PRSS37: variants seen among roughly 807,000 people sequenced by gnomAD.
PRSS37 encodes serine protease 37, also known as probable inactive serine protease 37.
A neutral mutation model predicts 28.0 loss-of-function variants in PRSS37; 25 were observed. That is an observed-to-expected ratio of 0.89 (90% CI 0.65 to 1.25). The LOEUF is 1.25. Among genes scored for constraint, PRSS37 ranks in the 50% most tolerant of loss-of-function variants. The pLI is 0.00. For synonymous variants in PRSS37, 109 were observed against 107.8 expected, an observed-to-expected ratio of 1.01 and a Z score of -0.07; for missense variants, 282 against 292.2, an observed-to-expected ratio of 0.97 and a Z score of 0.25.
At chr7:141,839,638 A>T (rs1010879274) in intron 1 of PRSS37, among the ~76,000 whole-genome samples, 159 bp from the exon 2 acceptor site, 2 of 152,202 alleles carry the variant, frequency 1.3e-5, no homozygotes, top group African/African-American at 4.8e-5. Flanking sequence ...GTAAATTAAA[A>T]CGATATGCCA....
At chr7:141,838,437 T>G in intron 2 of PRSS37, 3 of 1,199,138 alleles carry the variant, frequency 2.5e-6, no homozygotes, top group Non-Finnish European at 3.1e-6. Flanking sequence ...AACTGAACAA[T>G]GTCCATTTTG....
intron 2 of PRSS37, chr7:141,839,106 T>G (rs1458864190): frequency 1.6e-6 from 1 of 637,432 alleles, no homozygotes; most frequent in Non-Finnish European, 2.8e-6. Context: ...TGTTCTGGGC[T>G]GGACAAATCT....
In PRSS37 at chr7:141,838,121, G is replaced by A. The variant is rs1048350221; in HGVS notation, c.177-8C>T. The A allele has an allele frequency of 5.6e-6, 9 of 1,611,388 alleles. No individual in the cohort carries two copies. The African/African-American group carries it at 1.1e-4, about 19-fold the overall frequency. On this transcript the variant is annotated splice_polypyrimidine_tract_variant and splice_region_variant and intron_variant, in intron 2 of 4. Coordinates refer to ENST00000350549, the MANE Select transcript of PRSS37 (RefSeq NM_001008270.3). ...AGCATCACTTTCAGATTTCTGGAGG[G>A]AGAGGGGTTGGAAGTAATCATCATC...
At position 141,836,349 on chromosome 7, in the gene PRSS37, A is replaced by G. The variant is rs372424084; in HGVS notation, c.*46T>C. On this transcript the variant is annotated 3_prime_UTR_variant, in exon 5 of 5. Transcript: ENST00000350549. ...AATAGAGGGAAAATTATCTGCTTGT[A>G]TAGTCCATGGCAGAGCCAGTGGAAT... 6 of 1,590,102 alleles carry G rather than the reference A, an allele frequency of 3.8e-6. No homozygotes were observed. The African/African-American group carries it at 6.7e-5, about 18-fold the overall frequency.
At chr7:141,839,655 CTTATAT>C (rs1801093839) in intron 1 of PRSS37, among the ~76,000 whole-genome samples, 176 bp from the exon 2 acceptor site, 1 of 151,944 alleles carries the variant, frequency 6.6e-6, no homozygotes. Context: ...GCCATTTTAT[CTTATAT>C]TTATAATAAT....
rs746635372 is a variant in PRSS37, at chr7:141,836,360, C to T, written c.*35G>A. On this transcript the variant is annotated 3_prime_UTR_variant, in exon 5 of 5. Coordinates refer to ENST00000350549, the MANE Select transcript of PRSS37 (RefSeq NM_001008270.3). ...AATTATCTGCTTGTATAGTCCATGG[C>T]AGAGCCAGTGGAATGCAGAGGGAGA... The T allele has an allele frequency of 1.2e-5, 19 of 1,607,496 alleles. No homozygotes were observed. The highest frequency in any genetic ancestry group is 1.7e-4 in the Middle Eastern group (1 of 6,056).
intron 2 of PRSS37, chr7:141,838,460 G>T (rs1157364838): frequency 9.4e-6 from 11 of 1,166,266 alleles, no homozygotes; most frequent in Non-Finnish European, 1.2e-5. Context: ...GGAGACCAGA[G>T]AATAAATAAC....
intron 4 of PRSS37, 61 bp from the exon 5 acceptor site, chr7:141,836,596 A>G (rs1477757280): frequency 1.3e-6 from 2 of 1,589,938 alleles, no homozygotes; most frequent in African/African-American, 1.3e-5. Context: ...ATCTTCTCAC[A>G]GGAACCCTAG....
Position 141,837,495 on chromosome 7 carries a change from C to A in PRSS37, c.431-247G>T, listed in dbSNP as rs1222743002. The A allele has an allele frequency of 3.8e-6, 5 of 1,303,418 alleles. No homozygotes were observed. The African/African-American group carries it at 5.8e-5, about 15-fold the overall frequency. The allele number at this position is 1,303,418 out of a possible 1,614,324, so 80.7% of individuals were successfully genotyped here. A position where few individuals can be genotyped will look rare whatever the true frequency, so the allele number is the denominator to read the frequency against. ...TGGCCTGTCTTGGAGAACTAAATGA[C>A]CTGAGGCAATTCTCAGAGGTGTCCT... On this transcript the variant is annotated intron_variant, in intron 3 of 4. Coordinates refer to ENST00000350549, the MANE Select transcript of PRSS37 (RefSeq NM_001008270.3).
At position 141,841,109 on chromosome 7, in the gene PRSS37, T is replaced by A; in HGVS notation, c.-60A>T. 1 of 1,606,686 alleles carries A rather than the reference T, an allele frequency of 6.2e-7. No homozygotes were observed. Among genetic ancestry groups the A allele is most frequent in the Non-Finnish European group, 8.5e-7 (1 of 1,174,154 alleles). ...GAAAATCAGCAGAGTGTGGAGCGGTTGGCTTAGTTGTCTTCTCAGGAACAC... is the reference window on the plus strand; with the variant it reads ...GAAAATCAGCAGAGTGTGGAGCGGTAGGCTTAGTTGTCTTCTCAGGAACAC... On this transcript the variant is annotated 5_prime_UTR_variant, in exon 1 of 5. Transcript: ENST00000350549.
chr7:141,838,498 C>T, intron 2 of PRSS37: 1 of 1,107,468 alleles, frequency 9.0e-7, no homozygotes, highest in South Asian at 2.4e-5. Context: ...CTGTTTGGTT[C>T]CCTAGCTGAT....
chr7:141,841,097 G>C lies in PRSS37; in HGVS notation c.-48C>G. The stretch of plus-strand genomic sequence containing the variant: ...TGAGATGTAGAAGAAAATCAGCAGA[G>C]TGTGGAGCGGTTGGCTTAGTTGTCT... On this transcript the variant is annotated 5_prime_UTR_variant, in exon 1 of 5. Coordinates refer to ENST00000350549, the MANE Select transcript of PRSS37 (RefSeq NM_001008270.3). The C allele has an allele frequency of 1.2e-6, 2 of 1,611,954 alleles. No individual in the cohort carries two copies. The highest frequency in any genetic ancestry group is 1.1e-5 in the South Asian group (1 of 91,036).
chr7:141,837,529 G>T, intron 3 of PRSS37: 1 of 1,443,716 alleles, frequency 6.9e-7, no homozygotes, highest in Non-Finnish European at 9.3e-7. Flanking sequence ...CTTTACATGT[G>T]AAATGAGCAT....
rs559628489 is a variant in PRSS37, at chr7:141,837,131, A to G, written c.548T>C (p.Val183Ala). ...GATTACCCCAAAAATTCGGCTGAAT[A>G]CTTTCACAAATTTCACACATAAGGA... ...RNSLCVKFVK[V>A]FSRIFGEVAV... The change falls in exon 4 of 5, where the codon GTA becomes GCA. Residue 183 changes from valine to alanine, a missense_variant. Val to Ala is a moderately conservative substitution (Grantham distance 64). Coordinates refer to ENST00000350549, the MANE Select transcript of PRSS37 (RefSeq NM_001008270.3). 3 of 1,612,644 alleles carry G rather than the reference A, an allele frequency of 1.9e-6. No homozygotes were observed. Among genetic ancestry groups the G allele is most frequent in the South Asian group, 2.2e-5 (2 of 90,546 alleles).
chr7:141,841,029 C>G lies in PRSS37; in HGVS notation c.21G>C (p.Leu7Phe), dbSNP rs1472493385. Residue 7 changes from leucine (L) to phenylalanine (F), a missense_variant, in exon 1 of 5, where the codon TTG becomes TTC. Physicochemically the swap from Leu to Phe is conservative, Grantham distance 22 (BLOSUM62 0). Coordinates refer to ENST00000350549, the MANE Select transcript of PRSS37 (RefSeq NM_001008270.3). Reference protein sequence around the residue: MKYVFYLGVLAGTFFFA... With the variant: MKYVFYFGVLAGTFFFA... ...TTGAGTACATACCAGCGAGGACACC[C>G]AAATAGAAGACATATTTCATGGTGA... 1 of 1,613,644 alleles carries G rather than the reference C, an allele frequency of 6.2e-7. No individual in the cohort carries two copies. Among genetic ancestry groups the G allele is most frequent in the Non-Finnish European group, 8.5e-7 (1 of 1,179,732 alleles).
In PRSS37 at chr7:141,841,111, G is replaced by T. The variant is rs1262736970; in HGVS notation, c.-62C>A. On this transcript the variant is annotated 5_prime_UTR_variant, in exon 1 of 5. Coordinates refer to ENST00000350549, the MANE Select transcript of PRSS37 (RefSeq NM_001008270.3). Reference sequence around the variant, plus strand: ...AAATCAGCAGAGTGTGGAGCGGTTGGCTTAGTTGTCTTCTCAGGAACACCT... The same window carrying T: ...AAATCAGCAGAGTGTGGAGCGGTTGTCTTAGTTGTCTTCTCAGGAACACCT... 3 of 1,609,824 alleles carry T rather than the reference G, an allele frequency of 1.9e-6. No homozygotes were observed. The highest frequency in any genetic ancestry group is 2.5e-6 in the Non-Finnish European group (3 of 1,177,310).
chr7:141,841,026 A>G lies in PRSS37; in HGVS notation c.24T>C (p.Gly8=). MKYVFYL[G]VLAGTFFFAD... ...GTCTTGAGTACATACCAGCGAGGAC[A>G]CCCAAATAGAAGACATATTTCATGG... Residue 8 remains glycine, a synonymous_variant, in exon 1 of 5, where the codon GGT becomes GGC. Coordinates refer to ENST00000350549, the MANE Select transcript of PRSS37 (RefSeq NM_001008270.3). 6.2e-7 allele frequency: 1 copy of G among 1,613,828 alleles called. No homozygotes were observed. Among genetic ancestry groups the G allele is most frequent in the East Asian group, 2.2e-5 (1 of 44,870 alleles).
rs137993245 is a variant in PRSS37, at chr7:141,839,477, T to C, written c.37A>G (p.Thr13Ala). The stretch of plus-strand genomic sequence containing the variant: ...ACAGATGAGTCAGCAAAGAAAAATG[T>C]CCCTGAGAAAATAATGAACATTCTT... ...YVFYLGVLAG[T>A]FFFADSSVQK... is the part of the protein sequence containing the mutation. Residue 13 changes from threonine to alanine, a missense_variant and splice_region_variant, in exon 2 of 5, where the codon ACA becomes GCA. Transcript: ENST00000350549. The C allele has an allele frequency of 2.3e-3, 3,774 of 1,610,460 alleles. 10 individuals are homozygous for C. The highest frequency in any genetic ancestry group is 2.7e-3 in the Non-Finnish European group (3,237 of 1,177,320).
Position 141,839,374 on chromosome 7 carries a change from G to A in PRSS37, c.140C>T (p.Pro47Leu). 6.2e-7 allele frequency: 1 copy of A among 1,613,898 alleles called. No homozygotes were observed. Among genetic ancestry groups the A allele is most frequent in the East Asian group, 2.2e-5 (1 of 44,884 alleles). Residue 47 changes from proline to leucine, a missense_variant, in exon 2 of 5, where the codon CCC becomes CTC. Physicochemically the swap from Pro to Leu is moderately conservative, Grantham distance 98. Coordinates refer to ENST00000350549, the MANE Select transcript of PRSS37 (RefSeq NM_001008270.3). Reference protein sequence around the residue: ...FNPCVGVLIKPSWVLAPAHCY... With the variant: ...FNPCVGVLIKLSWVLAPAHCY... ...GTGAGCTGGGGCCAGCACCCAGCTG[G>A]GTTTGATGAGGACGCCCACACAGGG... is the stretch of plus-strand genomic sequence containing the variant.
Sources: allele counts gnomAD v4.1 joint callset (sites outside exome capture counted in the v4.1 genomes callset), GRCh38; gene constraint gnomAD v4.1.1; transcripts MANE v1.5; gene names NCBI Gene and HGNC (gene_info 2026-07-23, HGNC 2026-07-21).